Variants in RELCH observed in about 807,000 individuals in gnomAD.
RELCH encodes the protein RAB11 binding and LisH domain, coiled-coil and HEAT repeat containing, also known as RAB11-binding protein RELCH.
RELCH carries 41 observed loss-of-function variants against 150.3 expected under a neutral mutation model. The observed-to-expected ratio is 0.27, with a 90% CI of 0.21 to 0.35. The LOEUF is 0.35. Among genes scored for constraint, RELCH ranks in the 10% least tolerant of loss-of-function variants. The pLI is 1.00. For synonymous variants in RELCH, 478 were observed against 531.8 expected (o/e 0.90, Z 1.39); for missense variants, 1,092 against 1,467.8 (o/e 0.74, Z 4.18).
chr18:62,240,006 A>AT (rs1437695702), intron 10 of RELCH, among the ~76,000 whole-genome samples: 3 of 151,950 alleles, frequency 2.0e-5, no homozygotes, highest in African/African-American at 7.2e-5. Flanking sequence ...TAATGTGACA[A>AT]TTAGGGTACT....
At position 62,308,108 on chromosome 18, in the gene RELCH, G is replaced by A. The variant is rs1432118571; in HGVS notation, c.*2574G>A. ...ACTATAATTCTAATGGGGGTCTCAA[G>A]TCAAGGTGCTATCACATTCTTGTTT... On this transcript the variant is annotated 3_prime_UTR_variant, in exon 29 of 29. Coordinates refer to ENST00000644646, the MANE Select transcript of RELCH (RefSeq NM_001346231.2). The A allele has an allele frequency of 6.6e-6, 1 of 152,196 alleles. No individual in the cohort carries two copies. Among genetic ancestry groups the A allele is most frequent in the Non-Finnish European group, 1.5e-5 (1 of 68,038 alleles). 9.4% of individuals were successfully genotyped at this position (152,196 alleles called of 1,614,324 possible).
chr18:62,234,966 T>C (rs1227782286), intron 10 of RELCH: 3 of 152,078 alleles, frequency 2.0e-5, no homozygotes, highest in Middle Eastern at 6.8e-3. Flanking sequence ...TTTTTTGTTG[T>C]GTTGTTTGTG....
rs1489552141 is a variant in RELCH at position 62,295,833 on chromosome 18, A to G, written c.3460-2957A>G. Among the ~76,000 whole-genome samples, 4 of 152,340 alleles carry G rather than the reference A, an allele frequency of 2.6e-5. No individual in the cohort carries two copies. The East Asian group carries it at 7.7e-4, about 29-fold the overall frequency. ...AGCGATCCACCCACCTTGGCCTCCC[A>G]CAGTGCTGGGATTACAGGCTTGAGC... On this transcript the variant is annotated intron_variant, in intron 27 of 28. Coordinates refer to ENST00000644646, the MANE Select transcript of RELCH (RefSeq NM_001346231.2).
intron 22 of RELCH, among the ~76,000 whole-genome samples, chr18:62,279,133 A>G (rs916033417): frequency 2.0e-5 from 3 of 152,308 alleles, no homozygotes; most frequent in East Asian, 3.9e-4. Flanking sequence ...GGAAAATACT[A>G]TGTATCTAAG....
intron 19 of RELCH, 59 bp downstream of exon 19, chr18:62,266,808 C>G: frequency 5.1e-6 from 5 of 980,880 alleles, no homozygotes; most frequent in Non-Finnish European, 7.9e-6. Context: ...AGGAAAAATA[C>G]TATATTCTCC....
At chr18:62,293,312 C>T (rs2045246992) in intron 27 of RELCH, among the ~76,000 whole-genome samples, 1 of 152,032 alleles carries the variant, frequency 6.6e-6, no homozygotes, top group South Asian at 2.1e-4. Context: ...CTGGCAAGTC[C>T]AAAATATGTA....
intron 1 of RELCH, among the ~76,000 whole-genome samples, chr18:62,210,951 C>T (rs9320005): frequency 0.086 from 13,113 of 151,952 alleles, 644 homozygotes; most frequent in Middle Eastern, 0.17. Context: ...GGGAGTTGGC[C>T]GGAGATTTGG....
chr18:62,308,153 A>G lies in RELCH; in HGVS notation c.*2619A>G, dbSNP rs2045928074. 1 of 152,180 alleles carries G rather than the reference A, an allele frequency of 6.6e-6. No individual in the cohort carries two copies. The highest frequency in any genetic ancestry group is 1.5e-5 in the Non-Finnish European group (1 of 68,028). The allele number at this position is 152,180 out of a possible 1,614,324, so 9.4% of individuals were successfully genotyped here. ...TTGTTTTTAAAAAGTTGGCTCAAATAGTCTCTCTTAAAATTTAGAGAGGTG... is the reference window on the plus strand; with the variant it reads ...TTGTTTTTAAAAAGTTGGCTCAAATGGTCTCTCTTAAAATTTAGAGAGGTG... On this transcript the variant is annotated 3_prime_UTR_variant, in exon 29 of 29. Coordinates refer to ENST00000644646, the MANE Select transcript of RELCH (RefSeq NM_001346231.2).
intron 2 of RELCH, among the ~76,000 whole-genome samples, chr18:62,215,227 A>T (rs544480333): frequency 2.0e-5 from 3 of 152,332 alleles, no homozygotes; most frequent in African/African-American, 7.2e-5. Flanking sequence ...CTTCTGTAGG[A>T]TAACAGAATA....
At chr18:62,252,988 A>G (rs1472377413) in intron 12 of RELCH, among the ~76,000 whole-genome samples, 2 of 152,188 alleles carry the variant, frequency 1.3e-5, no homozygotes, top group Admixed American at 1.3e-4. Context: ...GTACTGAGGT[A>G]GTCACTAGGG....
At chr18:62,303,674 G>A (rs2145173030) in intron 28 of RELCH, among the ~76,000 whole-genome samples, 1 of 152,350 alleles carries the variant, frequency 6.6e-6, no homozygotes, top group South Asian at 2.1e-4. Context: ...TGGGTAGGCA[G>A]TGGATAGAAA....
At chr18:62,256,655 A>G (rs1240487267) in intron 13 of RELCH, among the ~76,000 whole-genome samples, 1 of 152,018 alleles carries the variant, frequency 6.6e-6, no homozygotes, top group Non-Finnish European at 1.5e-5. Context: ...AAATGTCTCT[A>G]CATTGGCAGT....
intron 27 of RELCH, among the ~76,000 whole-genome samples, chr18:62,295,323 T>G (rs1240817400): frequency 4.6e-5 from 7 of 151,306 alleles, no homozygotes; most frequent in Non-Finnish European, 7.4e-5. Flanking sequence ...GGTGTGTTTT[T>G]TTTTTTTTTT....
At chr18:62,208,572 A>G (rs912235419) in intron 1 of RELCH, among the ~76,000 whole-genome samples, 3 of 152,030 alleles carry the variant, frequency 2.0e-5, no homozygotes, top group Non-Finnish European at 4.4e-5. Flanking sequence ...AAGTTGTGTT[A>G]CGGGGATTTG....
chr18:62,203,680 A>T (rs576816370), intron 1 of RELCH, among the ~76,000 whole-genome samples: 1 of 152,062 alleles, frequency 6.6e-6, no homozygotes, highest in Non-Finnish European at 1.5e-5. Flanking sequence ...TAATATTGCA[A>T]TTTCTCACTA....
chr18:62,250,152 A>G (rs975599068), intron 11 of RELCH, among the ~76,000 whole-genome samples: 1 of 152,102 alleles, frequency 6.6e-6, no homozygotes, highest in Non-Finnish European at 1.5e-5. Flanking sequence ...TGGGCCTTCT[A>G]ATCTTTTCTG....
At chr18:62,242,035 C>G (rs539495699) in intron 10 of RELCH, among the ~76,000 whole-genome samples, 11 of 152,138 alleles carry the variant, frequency 7.2e-5, no homozygotes, top group Non-Finnish European at 1.5e-4. Context: ...ACAGACCACT[C>G]TCTGCATTTT....
At chr18:62,258,312 A>G (rs1251737514) in intron 14 of RELCH, among the ~76,000 whole-genome samples, 200 bp from the exon 15 acceptor site, 1 of 151,970 alleles carries the variant, frequency 6.6e-6, no homozygotes, top group Non-Finnish European at 1.5e-5. Flanking sequence ...GGAAATTGGC[A>G]AGAGGTATTC....
At position 62,280,620 on chromosome 18, in the gene RELCH, G is replaced by C. The variant is rs775007615; in HGVS notation, c.3051-26G>C. On this transcript the variant is annotated intron_variant, in intron 23 of 28. Transcript: ENST00000644646. ...ACTCGTTGTTCATCTCAAATCTTCA[G>C]TTTCTTTCTGTTTTAATTCTAACAG... is the stretch of plus-strand genomic sequence containing the variant. The C allele has an allele frequency of 5.7e-6, 9 of 1,579,572 alleles. No homozygotes were observed. The Admixed American group carries it at 8.4e-5, about 15-fold the overall frequency.
Sources: allele counts gnomAD v4.1 joint callset (sites outside exome capture counted in the v4.1 genomes callset), GRCh38; gene constraint gnomAD v4.1.1; transcripts MANE v1.5; gene names NCBI Gene and HGNC (gene_info 2026-07-23, HGNC 2026-07-21).